Variants in NFIL3 observed in about 807,000 individuals in gnomAD.
NFIL3 encodes nuclear factor, interleukin 3 regulated, also known as nuclear factor interleukin-3-regulated protein.
NFIL3 carries 5 observed loss-of-function variants against 10.0 expected under a neutral mutation model. The ratio of observed to expected loss-of-function variants is 0.50; its 90% confidence interval spans 0.26 to 1.06. The LOEUF (loss-of-function observed/expected upper bound fraction) is 1.06. Ranked by LOEUF, NFIL3 falls within the 50% of genes least tolerant of loss-of-function variation. The pLI, the probability that NFIL3 is intolerant of heterozygous loss-of-function variation, is 0.13. For missense variants in NFIL3, 436 were observed against 547.6 expected, an observed-to-expected ratio of 0.80 and a Z score of 2.03; for synonymous variants, 202 against 206.5, an observed-to-expected ratio of 0.98 and a Z score of 0.19.
chr9:91,430,214 A>G, the NFIL3 span, among the ~76,000 whole-genome samples: 1 of 152,218 alleles, frequency 6.6e-6, no homozygotes, highest in South Asian at 2.1e-4. Context: ...CCAGGATCCT[A>G]TTCAATTCAG....
At chr9:91,423,401 G>A (rs1257595933) in intron 1 of NFIL3, among the ~76,000 whole-genome samples, 1 of 152,114 alleles carries the variant, frequency 6.6e-6, no homozygotes, top group African/African-American at 2.4e-5. Context: ...CCAGGACTAC[G>A]TGCCGGCGCG....
chr9:91,458,398 T>A, the NFIL3 span, among the ~76,000 whole-genome samples: 10 of 152,234 alleles, frequency 6.6e-5, no homozygotes, highest in African/African-American at 2.4e-4. Flanking sequence ...TTGTCCATTT[T>A]TGTCTAAATT....
chr9:91,420,013 C>T (rs548636683), intron 1 of NFIL3, among the ~76,000 whole-genome samples: 35 of 152,320 alleles, frequency 2.3e-4, no homozygotes, highest in African/African-American at 8.4e-4. Context: ...ATCCAAGCTA[C>T]AGAAAATGAG....
At chr9:91,458,100 A>G in the NFIL3 span, among the ~76,000 whole-genome samples, 664 of 152,188 alleles carry the variant, frequency 4.4e-3, 6 homozygotes, top group African/African-American at 0.015. Context: ...GTGGAATTTT[A>G]ATCTGTAATT....
chr9:91,461,553 G>A, the NFIL3 span, among the ~76,000 whole-genome samples: 30 of 152,226 alleles, frequency 2.0e-4, no homozygotes, highest in South Asian at 6.2e-4. Flanking sequence ...CACTCCCTCC[G>A]GAGGCTCTTG....
At chr9:91,420,255 A>C (rs1278970855) in intron 1 of NFIL3, among the ~76,000 whole-genome samples, 1 of 152,064 alleles carries the variant, frequency 6.6e-6, no homozygotes, top group Non-Finnish European at 1.5e-5. Context: ...TTATTAGAAC[A>C]AAAAAAGTAT....
At position 91,410,922 on chromosome 9, in the gene NFIL3, A is replaced by T. The variant is rs935993872; in HGVS notation, c.-172-16T>A. The stretch of plus-strand genomic sequence containing the variant: ...CCTTCGTTATCTGCAATACATGAAT[A>T]AAAAAAAAACCAGTTATTCACTGGA... On this transcript the variant is annotated splice_polypyrimidine_tract_variant and intron_variant, in intron 1 of 1. Coordinates refer to ENST00000297689, the MANE Select transcript of NFIL3 (RefSeq NM_005384.3). This position sits in a 1 kb window ranked among gnomAD's most constrained non-coding sequence, Gnocchi z 5.7. The T allele has an allele frequency of 4.3e-6, 2 of 465,190 alleles. No homozygotes were observed. Among genetic ancestry groups the T allele is most frequent in the East Asian group, 3.3e-5 (1 of 30,084 alleles). The allele number at this position is 465,190 out of a possible 1,614,324, so 28.8% of individuals were successfully genotyped here.
chr9:91,443,351 G>A, the NFIL3 span, among the ~76,000 whole-genome samples: 410 of 152,322 alleles, frequency 2.7e-3, 12 homozygotes, highest in East Asian at 0.067. Flanking sequence ...TTGAAGGAGG[G>A]GCTTCACCAG....
chr9:91,465,452 T>C, the NFIL3 span, among the ~76,000 whole-genome samples: 1 of 151,726 alleles, frequency 6.6e-6, no homozygotes. Flanking sequence ...AGATTCTTTA[T>C]TCCAGTTTCA....
chr9:91,409,913 C>T lies in NFIL3; in HGVS notation c.822G>A (p.Thr274=), dbSNP rs35317894. 6,479 of 1,613,862 alleles carry T rather than the reference C, an allele frequency of 4.0e-3. 217 individuals carry two copies. The African/African-American group carries it at 0.076, about 19-fold the overall frequency. The change falls in exon 2 of 2, where the codon ACG becomes ACA. Residue 274 remains threonine, a synonymous_variant. Transcript: ENST00000297689. ...CTACCACACCATCATCAGTTTCCGA[C>T]GTTCTCGGGGAGTTGCTGGAGGATC... ...VNRSSSNSPR[T]SETDDGVVGK...
chr9:91,409,137 G>T lies in NFIL3; in HGVS notation c.*209C>A. On this transcript the variant is annotated 3_prime_UTR_variant, in exon 2 of 2. Transcript: ENST00000297689. ...ATAATGTTCAATATATACAGCCTTC[G>T]CATGGACTATCTGACTATACACAGG... 2.0e-6 allele frequency: 1 copy of T among 509,400 alleles called. No homozygotes were observed. The highest frequency in any genetic ancestry group is 3.4e-6 in the Non-Finnish European group (1 of 293,682). The allele number at this position is 509,400 out of a possible 1,614,324, so 31.6% of individuals were successfully genotyped here.
At chr9:91,426,739 A>C (rs890083076), upstream of NFIL3, 1 of 152,202 alleles carries the variant, frequency 6.6e-6, no homozygotes, top group Non-Finnish European at 1.5e-5. Flanking sequence ...AGAATGACTA[A>C]AACAGTGACT....
chr9:91,477,901 C>T, the NFIL3 span, among the ~76,000 whole-genome samples: 1 of 151,992 alleles, frequency 6.6e-6, no homozygotes, highest in African/African-American at 2.4e-5. Context: ...TTCTGCTTTG[C>T]TTATGAAGCT....
Position 91,410,417 on chromosome 9 carries a change from A to G in NFIL3, c.318T>C (p.Ile106=), listed in dbSNP as rs1487128262. 1 of 1,613,668 alleles carries G rather than the reference A, an allele frequency of 6.2e-7. No individual in the cohort carries two copies. Among genetic ancestry groups the G allele is most frequent in the African/African-American group, 1.3e-5 (1 of 74,828 alleles). ...LNDLVLENKL[I]ALGEENATLK... is the part of the protein sequence containing the mutation. ...AAGTGGCGTTTTCTTCTCCCAGTGC[A>G]ATTAGTTTGTTCTCTAAAACCAGGT... Residue 106 remains isoleucine (I), a synonymous_variant, in exon 2 of 2, where the codon ATT becomes ATC. Transcript: ENST00000297689. The surrounding 1 kb of genome is among the most constrained non-coding windows in gnomAD (Gnocchi z 5.7).
chr9:91,455,794 G>T, the NFIL3 span, among the ~76,000 whole-genome samples: 1 of 152,066 alleles, frequency 6.6e-6, no homozygotes, highest in Non-Finnish European at 1.5e-5. Context: ...TTATTGGAAC[G>T]CTATGCACGT....
intron 1 of NFIL3, among the ~76,000 whole-genome samples, chr9:91,422,817 G>GC (rs1420002526): frequency 6.6e-6 from 1 of 152,174 alleles, no homozygotes; most frequent in Non-Finnish European, 1.5e-5. Context: ...TTCAATGCGA[G>GC]CAATTCTTGC....
chr9:91,454,870 C>T, the NFIL3 span, among the ~76,000 whole-genome samples: 1 of 152,088 alleles, frequency 6.6e-6, no homozygotes, highest in Admixed American at 6.5e-5. Context: ...TCATAAGAAA[C>T]TTTAGAAGTT....
chr9:91,443,370 C>A, the NFIL3 span, among the ~76,000 whole-genome samples: 1 of 152,186 alleles, frequency 6.6e-6, no homozygotes, highest in Non-Finnish European at 1.5e-5. Flanking sequence ...AGGGAACAGC[C>A]CCTTTCTGCC....
the NFIL3 span, among the ~76,000 whole-genome samples, chr9:91,442,660 T>TC: frequency 6.6e-6 from 1 of 152,272 alleles, no homozygotes; most frequent in South Asian, 2.1e-4. Flanking sequence ...AGGTGCTGGC[T>TC]CCCTGCAAGG....
Sources: allele counts gnomAD v4.1 joint callset (sites outside exome capture counted in the v4.1 genomes callset), GRCh38; gene constraint gnomAD v4.1.1; non-coding constraint Gnocchi (gnomAD v3.1); transcripts MANE v1.5; gene names NCBI Gene and HGNC (gene_info 2026-07-23, HGNC 2026-07-21).